The following DTNA variants were observed in gnomAD, a reference collection of about 807,000 sequenced individuals.
The protein encoded by DTNA is dystrobrevin alpha.
A neutral mutation model predicts 100.7 loss-of-function variants in DTNA; 43 were observed. That is an observed-to-expected ratio of 0.43 (90% confidence interval 0.33 to 0.55). The LOEUF is 0.55. Ranked by LOEUF, DTNA falls within the 20% of genes least tolerant of loss-of-function variation. The pLI, the probability that DTNA is intolerant of heterozygous loss-of-function variation, is 0.04. For missense variants in DTNA, 798 were observed against 953.9 expected (o/e 0.84, Z 2.15); for synonymous variants, 349 against 347.9 (o/e 1.00, Z -0.04).
intron 1 of DTNA, among the ~76,000 whole-genome samples, chr18:34,533,918 T>C (rs1439727580): frequency 6.6e-6 from 1 of 152,154 alleles, no homozygotes; most frequent in Non-Finnish European, 1.5e-5. Context: ...GTTTGGATCC[T>C]GTAGGAGCAA....
chr18:34,577,180 T>A (rs1052213607), intron 1 of DTNA, among the ~76,000 whole-genome samples: 7 of 152,210 alleles, frequency 4.6e-5, no homozygotes, highest in African/African-American at 1.7e-4. Flanking sequence ...TAGTTGTATA[T>A]CTTCCTGATG....
chr18:34,836,599 G>A (rs1427551556), intron 11 of DTNA, among the ~76,000 whole-genome samples: 2 of 135,456 alleles, frequency 1.5e-5, no homozygotes, highest in Non-Finnish European at 3.0e-5. Context: ...AGTGAGCCAA[G>A]ATCTCACCAC....
Position 34,794,182 on chromosome 18 carries a change from C to A in DTNA, c.294C>A (p.Thr98=). ...IFYQLNKRMP[T]THQIHVEQSI... is the part of the protein sequence containing the mutation. ...ACCAGCTCAACAAACGGATGCCAAC[C>A]ACTCACCAAATCCATGTGGAGCAGT... is the stretch of plus-strand genomic sequence containing the variant. Residue 98 remains threonine (T), a synonymous_variant, in exon 4 of 23, where the codon ACC becomes ACA. Coordinates refer to ENST00000444659, the MANE Select transcript of DTNA (RefSeq NM_001386795.1). 6.2e-7 allele frequency: 1 copy of A among 1,614,152 alleles called. No individual in the cohort carries two copies. Among genetic ancestry groups the A allele is most frequent in the Non-Finnish European group, 8.5e-7 (1 of 1,180,014 alleles).
At chr18:34,732,656 T>A (rs115065715) in intron 1 of DTNA, among the ~76,000 whole-genome samples, 1 of 152,198 alleles carries the variant, frequency 6.6e-6, no homozygotes, top group Non-Finnish European at 1.5e-5. Flanking sequence ...GGAAAAGACA[T>A]TCTTCTATAA....
At chr18:34,874,581 A>G (rs960480438) in intron 17 of DTNA, among the ~76,000 whole-genome samples, 11 of 152,192 alleles carry the variant, frequency 7.2e-5, no homozygotes, top group African/African-American at 2.2e-4. Flanking sequence ...TTTTCATAGG[A>G]GAAGAGAAGG....
At position 34,825,401 on chromosome 18, in the gene DTNA, A is replaced by G. The variant is rs890631785; in HGVS notation, c.1002-2192A>G. On this transcript the variant is annotated intron_variant, in intron 9 of 22. Transcript: ENST00000444659. Reference sequence around the variant, plus strand: ...AGAACTAAGTCTTCTTATGCTGTACACTCAGTTCACAAGGATGCCACTTAT... The same window carrying G: ...AGAACTAAGTCTTCTTATGCTGTACGCTCAGTTCACAAGGATGCCACTTAT... The G allele has an allele frequency of 4.0e-5, 48 of 1,193,522 alleles. No individual in the cohort carries two copies. In the Admixed American group the frequency reaches 7.8e-4, roughly 19 times the overall value. 73.9% of individuals were successfully genotyped at this position (1,193,522 alleles called of 1,614,324 possible).
At chr18:34,573,381 T>G (rs113981237) in intron 1 of DTNA, among the ~76,000 whole-genome samples, 24 of 152,080 alleles carry the variant, frequency 1.6e-4, no homozygotes, top group African/African-American at 5.6e-4. Flanking sequence ...CACCAATATA[T>G]CCAAATGCCT....
chr18:34,559,798 T>C (rs1021055633), intron 1 of DTNA, among the ~76,000 whole-genome samples: 10 of 152,232 alleles, frequency 6.6e-5, no homozygotes, highest in Admixed American at 5.9e-4. Context: ...TTTACTCTTA[T>C]GCCATCCATT....
At chr18:34,629,095 TAGA>T (rs891836054) in intron 1 of DTNA, among the ~76,000 whole-genome samples, 2 of 152,180 alleles carry the variant, frequency 1.3e-5, no homozygotes, top group East Asian at 1.9e-4. Flanking sequence ...TTTTAACAAT[TAGA>T]AGAATTCTCT....
chr18:34,524,431 A>G (rs2042421608), intron 1 of DTNA, among the ~76,000 whole-genome samples: 2 of 152,170 alleles, frequency 1.3e-5, no homozygotes, highest in African/African-American at 4.8e-5. Flanking sequence ...TAAGGCTGAT[A>G]ATGAAATTTT....
upstream of DTNA, among the ~76,000 whole-genome samples, chr18:34,707,930 C>T (rs996730585): frequency 6.6e-6 from 1 of 152,164 alleles, no homozygotes; most frequent in African/African-American, 2.4e-5. Context: ...GGAGCAGTGC[C>T]AAAGCTATTT....
intron 15 of DTNA, 62 bp downstream of exon 15, chr18:34,851,990 G>A: frequency 1.3e-6 from 2 of 1,553,570 alleles, no homozygotes; most frequent in East Asian, 2.3e-5. Context: ...ATAAACTATG[G>A]TCGTGCTTTA....
intron 13 of DTNA, among the ~76,000 whole-genome samples, chr18:34,840,899 G>A (rs1258741331): frequency 6.6e-6 from 1 of 151,654 alleles, no homozygotes; most frequent in Non-Finnish European, 1.5e-5. Flanking sequence ...ACCTGTCATG[G>A]TTCTATAAGT....
chr18:34,890,467 C>G lies in DTNA; in HGVS notation c.*2733C>G, dbSNP rs1189990528. 4 of 1,536,006 alleles carry G rather than the reference C, an allele frequency of 2.6e-6. No homozygotes were observed. In the Admixed American group the frequency reaches 5.9e-5, roughly 23 times the overall value. On this transcript the variant is annotated 3_prime_UTR_variant, in exon 23 of 23. Transcript: ENST00000444659. ...TGCAAACCCAGCAAGTTTCACTTGT[C>G]CTGTCCATTAGATACAACTACATCT...
At chr18:34,770,051 C>T (rs572046769) in intron 3 of DTNA, among the ~76,000 whole-genome samples, 2 of 152,018 alleles carry the variant, frequency 1.3e-5, no homozygotes, top group African/African-American at 2.4e-5. Flanking sequence ...CACTAATCCC[C>T]ACCATGAAAG....
chr18:34,829,280 G>A, intron 10 of DTNA, 120 bp from the exon 11 acceptor site: 1 of 1,520,568 alleles, frequency 6.6e-7, no homozygotes, highest in Non-Finnish European at 8.8e-7. Context: ...TTGGCCTACG[G>A]TTTCTGTTTT....
chr18:34,667,176 T>C (rs1346237074), intron 1 of DTNA, among the ~76,000 whole-genome samples: 1 of 152,216 alleles, frequency 6.6e-6, no homozygotes, highest in Non-Finnish European at 1.5e-5. Context: ...TTTTATTCTC[T>C]TTGAAGCAAT....
At chr18:34,804,607 G>A (rs17557395) in intron 4 of DTNA, among the ~76,000 whole-genome samples, 15,700 of 152,190 alleles carry the variant, frequency 0.1, 1,041 homozygotes, top group South Asian at 0.15. Context: ...AGGTAACTAG[G>A]TACATGGTGT....
At chr18:34,867,334 C>T (rs1457614178) in intron 17 of DTNA, 13 of 1,229,926 alleles carry the variant, frequency 1.1e-5, no homozygotes, top group African/African-American at 1.6e-5. Flanking sequence ...TAATGTATTA[C>T]ATTATTTTGT....
Sources: gnomAD v4.1 joint callset for allele counts (sites outside exome capture counted in the v4.1 genomes callset) on GRCh38, gnomAD v4.1.1 for gene constraint, MANE v1.5 for transcripts, NCBI Gene and HGNC (gene_info 2026-07-23, HGNC 2026-07-21) for gene names.